The following SLC25A20 variants were observed in gnomAD, a reference collection of about 807,000 sequenced individuals.
SLC25A20 encodes mitochondrial carnitine/acylcarnitine carrier protein.
A neutral mutation model predicts 39.7 loss-of-function variants in SLC25A20; 29 were observed. The observed-to-expected ratio is 0.73, with a 90% confidence interval of 0.54 to 1.00. The LOEUF is 1.00. Among genes scored for constraint, SLC25A20 ranks in the 50% least tolerant of loss-of-function variants. The pLI is 0.00. For missense variants in SLC25A20, 333 were observed against 379.9 expected, an observed-to-expected ratio of 0.88 and a Z score of 1.03; for synonymous variants, 103 against 142.2, an observed-to-expected ratio of 0.72 and a Z score of 1.96.
At chr3:48,860,696 A>G (rs1215275555) in intron 5 of SLC25A20, among the ~76,000 whole-genome samples, 1 of 151,674 alleles carries the variant, frequency 6.6e-6, no homozygotes, top group African/African-American at 2.4e-5. Flanking sequence ...GCTGAGGCAC[A>G]GGAATCACTC....
Position 48,898,730 on chromosome 3 carries a change from A to T in SLC25A20, c.65T>A (p.Val22Glu). The change falls in exon 1 of 9, where the codon GTG (valine) becomes GAG (glutamate). Residue 22 changes from valine (V) to glutamate (E), a missense_variant. By Grantham distance (121) the Val-to-Glu change is moderately radical (BLOSUM62 -2). Transcript: ENST00000319017. The part of the protein sequence containing the change: ...KNLLAGGFGG[V>E]CLVFVGHPLD... The stretch of plus-strand genomic sequence containing the variant: ...AGGGTGACCGACGAACACCAGGCAC[A>T]CGCCGCCAAAGCCGCCGGCCAGCAG... 1 of 1,608,678 alleles carries T rather than the reference A, an allele frequency of 6.2e-7. No homozygotes were observed. The highest frequency in any genetic ancestry group is 8.5e-7 in the Non-Finnish European group (1 of 1,178,178).
At chr3:48,879,214 T>C (rs1489323456) in intron 4 of SLC25A20, 144 bp downstream of exon 4, 3 of 763,566 alleles carry the variant, frequency 3.9e-6, no homozygotes, top group African/African-American at 3.4e-5. Context: ...TCCTCACACC[T>C]TGGTCTCCCA....
At chr3:48,892,470 T>C (rs1367225573) in intron 1 of SLC25A20, among the ~76,000 whole-genome samples, 1 of 152,186 alleles carries the variant, frequency 6.6e-6, no homozygotes, top group Non-Finnish European at 1.5e-5. Flanking sequence ...ACAGGAGATA[T>C]ATATCAAGAG....
rs775942451 is a variant in SLC25A20, at chr3:48,898,679, G to GCCTC, written c.105+7_105+10dup. 1.6e-5 allele frequency: 26 copies of GCCTC among 1,592,400 alleles called. No homozygotes were observed. The Admixed American group carries it at 4.6e-4, about 28-fold the overall frequency. On this transcript the variant is annotated intron_variant, in intron 1 of 8. Coordinates refer to ENST00000319017, the MANE Select transcript of SLC25A20 (RefSeq NM_000387.6). ...CCTCCTCCCCAAAGCCTGCGACCCAGCCTCCCGCACCTTGACCGTGTCCAG... is the reference window on the plus strand; with the variant it reads ...CCTCCTCCCCAAAGCCTGCGACCCAGCCTCCCTCCCGCACCTTGACCGTGTCCAG...
At chr3:48,860,783 G>T (rs2083620391) in intron 5 of SLC25A20, among the ~76,000 whole-genome samples, 1 of 145,750 alleles carries the variant, frequency 6.9e-6, no homozygotes, top group Non-Finnish European at 1.5e-5. Flanking sequence ...GCAAGACTCT[G>T]TCTCAAAAAA....
At chr3:48,871,714 C>T (rs1241145911) in intron 4 of SLC25A20, among the ~76,000 whole-genome samples, 1 of 150,314 alleles carries the variant, frequency 6.7e-6, no homozygotes, top group Non-Finnish European at 1.5e-5. Flanking sequence ...TTGTGGTGAG[C>T]CAAGATCGCA....
Position 48,883,996 on chromosome 3 carries a change from C to T in SLC25A20, c.326+1G>A, listed in dbSNP as rs2083812807. 6.2e-7 allele frequency: 1 copy of T among 1,613,218 alleles called. No individual in the cohort carries two copies. Among genetic ancestry groups the T allele is most frequent in the Non-Finnish European group, 8.5e-7 (1 of 1,179,394 alleles). ...AGTGCTCCTGACCTGTAAGTACTCA[C>T]CTGAGCACATCTTCTGGGTGTTTCT... On this transcript the variant is annotated splice_donor_variant, in intron 3 of 8. Coordinates refer to ENST00000319017, the MANE Select transcript of SLC25A20 (RefSeq NM_000387.6). LOFTEE classifies it high-confidence loss of function.
chr3:48,880,574 C>CTTTT (rs35306259), intron 3 of SLC25A20, among the ~76,000 whole-genome samples: 3 of 73,094 alleles, frequency 4.1e-5, no homozygotes, highest in Admixed American at 2.0e-4. Context: ...CTGTGCCCGG[C>CTTTT]TTTTTTTTTT....
At chr3:48,864,714 T>C (rs2083653214) in intron 4 of SLC25A20, among the ~76,000 whole-genome samples, 2 of 152,164 alleles carry the variant, frequency 1.3e-5, no homozygotes, top group South Asian at 2.1e-4. Context: ...GAATAACATA[T>C]TTACAGAATC....
chr3:48,857,583 A>G lies in SLC25A20; in HGVS notation c.*127T>C. 1.2e-6 allele frequency: 1 copy of G among 813,318 alleles called. No homozygotes were observed. The highest frequency in any genetic ancestry group is 2.1e-6 in the Non-Finnish European group (1 of 473,012). The allele number at this position is 813,318 out of a possible 1,614,324, so 50.4% of individuals were successfully genotyped here. On this transcript the variant is annotated 3_prime_UTR_variant, in exon 9 of 9. Coordinates refer to ENST00000319017, the MANE Select transcript of SLC25A20 (RefSeq NM_000387.6). Reference sequence around the variant, plus strand: ...TTAAGGCAACAGTCTCACCAAGTCCATGCACAGGGCTCGGATCTCACCATT... The same window carrying G: ...TTAAGGCAACAGTCTCACCAAGTCCGTGCACAGGGCTCGGATCTCACCATT...
chr3:48,877,260 C>T (rs928155898), intron 4 of SLC25A20, among the ~76,000 whole-genome samples: 2 of 151,780 alleles, frequency 1.3e-5, no homozygotes, highest in East Asian at 3.9e-4. Context: ...ACTAAAAATA[C>T]AAAATTAGCA....
chr3:48,891,344 G>A (rs577914340), intron 2 of SLC25A20, among the ~76,000 whole-genome samples: 1 of 152,092 alleles, frequency 6.6e-6, no homozygotes, highest in African/African-American at 2.4e-5. Context: ...CAAAGTGCTG[G>A]GATTATAGGC....
intron 4 of SLC25A20, among the ~76,000 whole-genome samples, chr3:48,873,706 G>C (rs531323911): frequency 6.6e-6 from 1 of 151,394 alleles, no homozygotes; most frequent in African/African-American, 2.4e-5. Context: ...CTGGCCAGGC[G>C]CAGTGGCTCA....
intron 8 of SLC25A20, 34 bp downstream of exon 8, chr3:48,858,473 C>T (rs1261002207): frequency 1.2e-6 from 2 of 1,613,910 alleles, no homozygotes; most frequent in Non-Finnish European, 1.7e-6. Context: ...GCCCTGAGCC[C>T]CAGAGGGAAA....
intron 3 of SLC25A20, 126 bp downstream of exon 3, chr3:48,883,871 G>T: frequency 8.8e-7 from 1 of 1,140,762 alleles, no homozygotes; most frequent in Non-Finnish European, 1.3e-6. Flanking sequence ...TGATCCACCC[G>T]CCTCAGTCTC....
At chr3:48,871,785 A>G (rs527405839) in intron 4 of SLC25A20, among the ~76,000 whole-genome samples, 447 of 150,628 alleles carry the variant, frequency 3.0e-3, no homozygotes, top group Non-Finnish European at 3.9e-3. Context: ...AAAAAAAAAA[A>G]AGAGAGAGAG....
intron 4 of SLC25A20, among the ~76,000 whole-genome samples, chr3:48,869,930 T>C (rs887304478): frequency 6.6e-6 from 1 of 150,840 alleles, no homozygotes; most frequent in Admixed American, 6.6e-5. Context: ...CCAGCCTGGG[T>C]AACAAAGGAA....
At position 48,858,504 on chromosome 3, in the gene SLC25A20, C is replaced by G; in HGVS notation, c.843+3G>C. 1.2e-6 allele frequency: 2 copies of G among 1,614,210 alleles called. No individual in the cohort carries two copies. Among genetic ancestry groups the G allele is most frequent in the Non-Finnish European group, 1.7e-6 (2 of 1,180,040 alleles). ...GGAAAGCACAGCCCTGCCAGCTACT[C>G]ACCGCATTGGCTGGGAAGGCTCGGA... On this transcript the variant is annotated splice_donor_region_variant and intron_variant, in intron 8 of 8. Transcript: ENST00000319017.
At chr3:48,878,900 G>A (rs2083780812) in intron 4 of SLC25A20, among the ~76,000 whole-genome samples, 1 of 151,748 alleles carries the variant, frequency 6.6e-6, no homozygotes, top group South Asian at 2.1e-4. Context: ...TTGAGACAGA[G>A]TCTTGCTCTC....
Sources: allele counts gnomAD v4.1 joint callset (sites outside exome capture counted in the v4.1 genomes callset), GRCh38; gene constraint gnomAD v4.1.1; transcripts MANE v1.5; gene names NCBI Gene and HGNC (gene_info 2026-07-23, HGNC 2026-07-21).